Variants in PTPRD observed in about 807,000 individuals in gnomAD.
The protein encoded by PTPRD is protein tyrosine phosphatase receptor type D.
Under a neutral mutation model 214.5 loss-of-function variants are expected in PTPRD, and 34 were observed. The ratio of observed to expected loss-of-function variants is 0.16; its 90% confidence interval spans 0.12 to 0.21. PTPRD has a LOEUF of 0.21. Ranked by LOEUF, PTPRD falls within the 10% of genes least tolerant of loss-of-function variation. The probability of loss-of-function intolerance (pLI) is 1.00; values close to 1 mark genes in which losing one functional copy is unlikely to be tolerated. For synonymous variants in PTPRD, 1,128 were observed against 845.7 expected (o/e 1.33, Z -5.79); for missense variants, 2,545 against 2,398.7 (o/e 1.06, Z -1.27).
intron 11 of PTPRD, among the ~76,000 whole-genome samples, chr9:8,896,892 A>G (rs1268324663): frequency 6.6e-6 from 1 of 152,204 alleles, no homozygotes; most frequent in Non-Finnish European, 1.5e-5. Context: ...TGGTAAAAAT[A>G]AAAGCATACC....
chr9:8,319,938 T>C lies in PTPRD; in HGVS notation c.5563A>G (p.Ile1855Val), dbSNP rs1186083092. 2 of 1,612,902 alleles carry C rather than the reference T, an allele frequency of 1.2e-6. No individual in the cohort carries two copies. Among genetic ancestry groups the C allele is most frequent in the East Asian group, 2.2e-5 (1 of 44,826 alleles). Reference sequence around the variant, plus strand: ...CTTTCCAAAACAATGCTTAGCGTTATGAAGACTCCAGTTCTTCCAACGCCC... The same window carrying C: ...CTTTCCAAAACAATGCTTAGCGTTACGAAGACTCCAGTTCTTCCAACGCCC... Reference protein sequence around the residue: ...SAGVGRTGVFITLSIVLERMR... With the variant: ...SAGVGRTGVFVTLSIVLERMR... Residue 1855 changes from isoleucine (I) to valine (V), a missense_variant, in exon 45 of 46, where the codon ATA (isoleucine) becomes GTA (valine). Physicochemically the swap from Ile to Val is conservative, Grantham distance 29. Transcript: ENST00000381196.
rs78452103 is a variant in PTPRD, at chr9:9,667,638, C to A, written c.-287+66895G>T. On this transcript the variant is annotated intron_variant, in intron 7 of 45. Coordinates refer to ENST00000381196, the MANE Select transcript of PTPRD (RefSeq NM_002839.4). ...TGATCTGAGTGCTGACAGTGATGGC[C>A]AACTCATCTAGAAACTAGACAATCA... 4.9e-3 allele frequency among the ~76,000 whole-genome samples: 744 copies of A among 152,152 alleles called. 5 individuals are homozygous for A. The highest frequency in any genetic ancestry group is 0.017 in the African/African-American group (698 of 41,500).
intron 27 of PTPRD, among the ~76,000 whole-genome samples, chr9:8,490,654 T>G (rs934957656): frequency 6.6e-6 from 1 of 152,112 alleles, no homozygotes; most frequent in Non-Finnish European, 1.5e-5. Flanking sequence ...AATGGGAGGA[T>G]TAACAAAGAA....
intron 10 of PTPRD, among the ~76,000 whole-genome samples, chr9:9,160,343 A>G (rs1253398426): frequency 1.3e-5 from 2 of 152,170 alleles, no homozygotes; most frequent in Admixed American, 1.3e-4. Context: ...TAGCAAGAAA[A>G]CAAATAACCT....
chr9:9,466,196 C>A (rs1383300310), intron 8 of PTPRD, among the ~76,000 whole-genome samples: 6 of 152,056 alleles, frequency 3.9e-5, no homozygotes. Flanking sequence ...ATAGTCCCAT[C>A]TACTTAAGAG....
chr9:9,519,395 A>C (rs1307729997), intron 8 of PTPRD, among the ~76,000 whole-genome samples: 1 of 151,922 alleles, frequency 6.6e-6, no homozygotes, highest in Non-Finnish European at 1.5e-5. Flanking sequence ...AAGAATCAAC[A>C]GTTACAGGTT....
chr9:10,114,892 T>C (rs1007317562), intron 3 of PTPRD, among the ~76,000 whole-genome samples: 3 of 151,974 alleles, frequency 2.0e-5, no homozygotes, highest in Non-Finnish European at 1.5e-5. Context: ...TATGGAAAGA[T>C]ACAGGATTTT....
intron 10 of PTPRD, among the ~76,000 whole-genome samples, chr9:9,038,878 T>A (rs979896477): frequency 2.1e-4 from 32 of 152,112 alleles, no homozygotes; most frequent in African/African-American, 7.0e-4. Context: ...TTTTTTAATT[T>A]AAAAATTTTT....
At chr9:8,621,864 G>A (rs1378409339) in intron 14 of PTPRD, among the ~76,000 whole-genome samples, 1 of 151,838 alleles carries the variant, frequency 6.6e-6, no homozygotes, top group Non-Finnish European at 1.5e-5. Context: ...AGTTGTTCAA[G>A]CCTTAAAAAG....
intron 3 of PTPRD, among the ~76,000 whole-genome samples, chr9:10,140,497 A>G (rs1026649183): frequency 2.6e-5 from 4 of 152,130 alleles, no homozygotes; most frequent in Non-Finnish European, 5.9e-5. Context: ...TAGAAAATCT[A>G]GAAGAAATGG....
At chr9:10,025,491 C>T (rs539095458) in intron 4 of PTPRD, among the ~76,000 whole-genome samples, 2 of 152,058 alleles carry the variant, frequency 1.3e-5, no homozygotes, top group African/African-American at 4.8e-5. Context: ...AACCATTAGA[C>T]AGCCAGATTT....
intron 5 of PTPRD, among the ~76,000 whole-genome samples, chr9:9,831,337 A>G (rs936029824): frequency 2.0e-5 from 3 of 151,934 alleles, no homozygotes; most frequent in Non-Finnish European, 2.9e-5. Context: ...CCAAAATACA[A>G]AAGCAAAATT....
intron 3 of PTPRD, among the ~76,000 whole-genome samples, chr9:10,206,688 G>C (rs1364267561): frequency 6.6e-6 from 1 of 152,132 alleles, no homozygotes; most frequent in Non-Finnish European, 1.5e-5. Context: ...TTTAAATATA[G>C]TTTGAATTAT....
At chr9:10,135,744 A>G (rs1398119220) in intron 3 of PTPRD, among the ~76,000 whole-genome samples, 1 of 152,042 alleles carries the variant, frequency 6.6e-6, no homozygotes, top group Non-Finnish European at 1.5e-5. Flanking sequence ...AATAATAGAA[A>G]TGAAAGAACA....
intron 4 of PTPRD, among the ~76,000 whole-genome samples, chr9:10,009,449 C>T (rs1228271740): frequency 6.6e-6 from 1 of 151,874 alleles, no homozygotes; most frequent in African/African-American, 2.4e-5. Context: ...TAGGTGGATT[C>T]ACAGATTTTT....
intron 4 of PTPRD, among the ~76,000 whole-genome samples, chr9:10,023,812 G>C (rs370235427): frequency 4.6e-5 from 7 of 151,876 alleles, no homozygotes; most frequent in African/African-American, 1.7e-4. Context: ...TTTAATAAAG[G>C]TTAACATTCT....
At chr9:9,687,471 A>T (rs546004323) in intron 7 of PTPRD, among the ~76,000 whole-genome samples, 80 of 151,752 alleles carry the variant, frequency 5.3e-4, no homozygotes, top group Non-Finnish European at 6.8e-4. Context: ...AATGTCAGAC[A>T]CCAGTTATGT....
At chr9:10,191,639 A>T (rs1284578460) in intron 3 of PTPRD, among the ~76,000 whole-genome samples, 1 of 152,140 alleles carries the variant, frequency 6.6e-6, no homozygotes, top group East Asian at 1.9e-4. Flanking sequence ...TCTTTCCCCC[A>T]AATGTCCATC....
In PTPRD at chr9:8,341,958, C is replaced by G. The variant is rs767385335; in HGVS notation, c.4682G>C (p.Gly1561Ala). ...VHCSAGVGRTGCFIVIDAMLE... is the reference protein window; with the variant it reads ...VHCSAGVGRTACFIVIDAMLE... ...CATGGCATCTATGACGATGAAGCAA[C>G]CAGTCCGGCCAACTCCCGCACTATG... Residue 1561 changes from glycine to alanine, a missense_variant, in exon 40 of 46, where the codon GGT (glycine) becomes GCT (alanine). Physicochemically the swap from Gly to Ala is moderately conservative, Grantham distance 60 (BLOSUM62 0). Transcript: ENST00000381196. The G allele has an allele frequency of 3.1e-6, 5 of 1,611,110 alleles. No individual in the cohort carries two copies. The Admixed American group carries it at 6.7e-5, about 22-fold the overall frequency.
Sources: gnomAD v4.1 joint callset for allele counts (sites outside exome capture counted in the v4.1 genomes callset) on GRCh38, gnomAD v4.1.1 for gene constraint, MANE v1.5 for transcripts, NCBI Gene and HGNC (gene_info 2026-07-23, HGNC 2026-07-21) for gene names.